The following GPC6 variants were observed in gnomAD, a reference collection of about 807,000 sequenced individuals.
GPC6 encodes the protein glypican 6.
GPC6 carries 14 observed loss-of-function variants against 55.2 expected under a neutral mutation model. The observed-to-expected ratio is 0.25, with a 90% CI of 0.17 to 0.40. The LOEUF (loss-of-function observed/expected upper bound fraction) is 0.40. GPC6 is among the 10% of genes least tolerant of loss of function. The pLI is 1.00. For synonymous variants in GPC6, 278 were observed against 259.6 expected (o/e 1.07, Z -0.68); for missense variants, 641 against 708.5 (o/e 0.90, Z 1.08).
rs560837154 is a variant in GPC6, at chr13:94,057,137, A to G, written c.877+29243A>G. Among the ~76,000 whole-genome samples the G allele has an allele frequency of 2.1e-4, 32 of 152,316 alleles. No homozygotes were observed. The South Asian group carries it at 3.1e-3, about 15-fold the overall frequency. On this transcript the variant is annotated intron_variant, in intron 4 of 8. Transcript: ENST00000377047. ...GTTTGCCATTTGAAAAATAAACTCA[A>G]TGTTACATAGTGAATGAAATTTAGA... is the stretch of plus-strand genomic sequence containing the variant.
At chr13:93,623,315 G>C (rs1879036605) in intron 2 of GPC6, among the ~76,000 whole-genome samples, 1 of 152,018 alleles carries the variant, frequency 6.6e-6, no homozygotes. Context: ...AAATCACATG[G>C]TTATTTCACT....
chr13:93,277,567 A>C (rs1203450483), intron 1 of GPC6, among the ~76,000 whole-genome samples: 1 of 152,178 alleles, frequency 6.6e-6, no homozygotes, highest in Non-Finnish European at 1.5e-5. Flanking sequence ...TCAAATCCCC[A>C]TCTGAGCTTG....
intron 1 of GPC6, among the ~76,000 whole-genome samples, chr13:93,368,139 T>A (rs1383612866): frequency 1.3e-5 from 2 of 152,138 alleles, no homozygotes; most frequent in Non-Finnish European, 2.9e-5. Context: ...ATGATTGCTT[T>A]GTCTTATTGC....
chr13:94,069,470 C>T (rs1278582932), intron 4 of GPC6, among the ~76,000 whole-genome samples: 1 of 152,190 alleles, frequency 6.6e-6, no homozygotes, highest in Non-Finnish European at 1.5e-5. Flanking sequence ...CTCCTCATTA[C>T]TTATGCAAAT....
chr13:93,979,906 C>T (rs1227640864), intron 3 of GPC6, among the ~76,000 whole-genome samples: 4 of 151,994 alleles, frequency 2.6e-5, no homozygotes, highest in South Asian at 4.1e-4. Flanking sequence ...AATACAAGCA[C>T]TCTTATAAAC....
intron 1 of GPC6, among the ~76,000 whole-genome samples, chr13:93,477,632 A>G (rs1020773563): frequency 6.6e-6 from 1 of 152,196 alleles, no homozygotes; most frequent in Non-Finnish European, 1.5e-5. Flanking sequence ...AAAAAGGAGG[A>G]TGTAATCAGA....
At position 94,404,388 on chromosome 13, in the gene GPC6, T is replaced by C. The variant is rs988079348; in HGVS notation, c.*1171T>C. 1.3e-5 allele frequency: 2 copies of C among 152,178 alleles called. No homozygotes were observed. The highest frequency in any genetic ancestry group is 6.5e-5 in the Admixed American group (1 of 15,288). The allele number at this position is 152,178 out of a possible 1,614,324, so 9.4% of individuals were successfully genotyped here. On this transcript the variant is annotated 3_prime_UTR_variant, in exon 9 of 9. Transcript: ENST00000377047. ...ATGATCATCTATTTTTATATCTATG[T>C]ATATATAAATCACAGATTTTAACTT...
chr13:94,284,619 C>A (rs1892479241), intron 4 of GPC6, among the ~76,000 whole-genome samples: 1 of 151,934 alleles, frequency 6.6e-6, no homozygotes, highest in African/African-American at 2.4e-5. Flanking sequence ...CTATTCTTCA[C>A]AAAAACCTAT....
chr13:93,749,396 A>T (rs1884503020), intron 2 of GPC6, among the ~76,000 whole-genome samples: 1 of 151,822 alleles, frequency 6.6e-6, no homozygotes, highest in Non-Finnish European at 1.5e-5. Flanking sequence ...GCAGTACAGA[A>T]TTTTTTCTTT....
rs1209533805 is a variant in GPC6 at position 94,284,648 on chromosome 13, C to A, written c.878-1701C>A. Among the ~76,000 whole-genome samples, 3 of 151,982 alleles carry A rather than the reference C, an allele frequency of 2.0e-5. No individual in the cohort carries two copies. The South Asian group carries it at 6.2e-4, about 32-fold the overall frequency. On this transcript the variant is annotated intron_variant, in intron 4 of 8. Coordinates refer to ENST00000377047, the MANE Select transcript of GPC6 (RefSeq NM_005708.5). ...AACCTATGTATCATTATAATCAGTGCATCCATGTTATTTTATCTAGATGTT... is the reference window on the plus strand; with the variant it reads ...AACCTATGTATCATTATAATCAGTGAATCCATGTTATTTTATCTAGATGTT...
intron 1 of GPC6, among the ~76,000 whole-genome samples, chr13:93,260,231 G>C (rs1044447261): frequency 1.1e-4 from 17 of 152,054 alleles, no homozygotes; most frequent in African/African-American, 3.9e-4. Flanking sequence ...TTATTGAAGA[G>C]AAACAATCTA....
At chr13:93,498,347 C>T (rs1190303801) in intron 1 of GPC6, among the ~76,000 whole-genome samples, 1 of 152,126 alleles carries the variant, frequency 6.6e-6, no homozygotes, top group African/African-American at 2.4e-5. Flanking sequence ...GTCATGATAC[C>T]CTTTTAATTG....
rs568279118 is a variant in GPC6, at chr13:93,475,749, T to A, written c.161-69514T>A. On this transcript the variant is annotated intron_variant, in intron 1 of 8. Transcript: ENST00000377047. ...AAAACGCCAGAAATGCTTTTAACATTACTAGAAGTGCACTTCTTTCTGAAA... is the reference window on the plus strand; with the variant it reads ...AAAACGCCAGAAATGCTTTTAACATAACTAGAAGTGCACTTCTTTCTGAAA... 2.4e-4 allele frequency among the ~76,000 whole-genome samples: 37 copies of A among 152,338 alleles called. 1 individual carries two copies. The highest frequency in any genetic ancestry group is 8.2e-4 in the African/African-American group (34 of 41,584).
intron 4 of GPC6, among the ~76,000 whole-genome samples, chr13:94,031,530 A>G (rs1332112384): frequency 5.9e-5 from 9 of 152,106 alleles, no homozygotes; most frequent in Admixed American, 5.9e-4. Flanking sequence ...TATTGTCACT[A>G]TTAGAAACTA....
rs190750226 is a variant in GPC6, at chr13:93,308,803, A to T, written c.160+81187A>T. Among the ~76,000 whole-genome samples, 503 of 152,294 alleles carry T rather than the reference A, an allele frequency of 3.3e-3. 2 individuals carry two copies. Among genetic ancestry groups the T allele is most frequent in the African/African-American group, 0.011 (455 of 41,552 alleles). ...ATAATAGGACTGCATTTATAATCTT[A>T]ATTTTTTTATGGCTAAGAAAATATT... On this transcript the variant is annotated intron_variant, in intron 1 of 8. Transcript: ENST00000377047.
intron 4 of GPC6, among the ~76,000 whole-genome samples, chr13:94,120,395 ATCCTG>A (rs553628400): frequency 1.1e-3 from 162 of 152,210 alleles, no homozygotes; most frequent in African/African-American, 3.8e-3. Flanking sequence ...TGAGAGTATG[ATCCTG>A]GCCTTAGTCA....
intron 2 of GPC6, among the ~76,000 whole-genome samples, chr13:93,575,330 C>T (rs1466176501): frequency 6.6e-6 from 1 of 152,104 alleles, no homozygotes; most frequent in African/African-American, 2.4e-5. Context: ...TTACATATGA[C>T]TTAAAACTCT....
chr13:93,547,306 A>G, intron 2 of GPC6, among the ~76,000 whole-genome samples: 1 of 152,334 alleles, frequency 6.6e-6, no homozygotes, highest in South Asian at 2.1e-4. Flanking sequence ...AGATCGTGCC[A>G]GTACACTCCA....
At chr13:93,404,262 G>A (rs1876203487) in intron 1 of GPC6, among the ~76,000 whole-genome samples, 1 of 151,996 alleles carries the variant, frequency 6.6e-6, no homozygotes, top group Non-Finnish European at 1.5e-5. Flanking sequence ...GGAACAATTA[G>A]GAGGGTTTGA....
Sources: gnomAD v4.1 joint callset for allele counts (sites outside exome capture counted in the v4.1 genomes callset) on GRCh38, gnomAD v4.1.1 for gene constraint, MANE v1.5 for transcripts, NCBI Gene and HGNC (gene_info 2026-07-23, HGNC 2026-07-21) for gene names.